Variants in CAST observed in about 807,000 individuals in gnomAD.
CAST encodes the protein calpastatin.
A neutral mutation model predicts 119.6 loss-of-function variants in CAST; 76 were observed. The ratio of observed to expected loss-of-function variants is 0.64; its 90% CI spans 0.53 to 0.77. The LOEUF (loss-of-function observed/expected upper bound fraction) is 0.77. Among genes scored for constraint, CAST ranks in the 30% least tolerant of loss-of-function variants. CAST has a pLI of 0.00. For synonymous variants in CAST, 319 were observed against 331.6 expected (o/e 0.96, Z 0.41); for missense variants, 953 against 946.5 (o/e 1.01, Z -0.09).
the CAST span, among the ~76,000 whole-genome samples, chr5:96,218,859 C>T: frequency 4.6e-5 from 7 of 152,184 alleles, no homozygotes; most frequent in African/African-American, 1.7e-4. Flanking sequence ...AGTGGGTCAA[C>T]ATCAGGGGAA....
At chr5:96,037,340 T>G in the CAST span, among the ~76,000 whole-genome samples, 1 of 152,278 alleles carries the variant, frequency 6.6e-6, no homozygotes, top group Middle Eastern at 3.4e-3. Context: ...AAAGTCTACT[T>G]TGCTATGACT....
the CAST span, among the ~76,000 whole-genome samples, chr5:96,112,489 C>T: frequency 6.6e-6 from 1 of 152,150 alleles, no homozygotes; most frequent in Non-Finnish European, 1.5e-5. Flanking sequence ...CTGTATTTGA[C>T]TTATTTAAAG....
the CAST span, among the ~76,000 whole-genome samples, chr5:96,108,924 T>C: frequency 6.6e-6 from 1 of 152,270 alleles, no homozygotes; most frequent in African/African-American, 2.4e-5. Context: ...TATAATCTCC[T>C]GGTGCACCGT....
At chr5:96,030,186 CTT>C in the CAST span, among the ~76,000 whole-genome samples, 2 of 152,142 alleles carry the variant, frequency 1.3e-5, no homozygotes, top group Admixed American at 1.3e-4. Context: ...ATTCAGTACT[CTT>C]TGTTACTTTA....
chr5:96,354,244 C>T, the CAST span, among the ~76,000 whole-genome samples: 1 of 152,088 alleles, frequency 6.6e-6, no homozygotes, highest in East Asian at 1.9e-4. Context: ...CACAAAACAG[C>T]CAACAGGATT....
At chr5:96,662,356 C>T (rs1416742590), upstream of CAST, 16 of 1,124,896 alleles carry the variant, frequency 1.4e-5, no homozygotes, top group African/African-American at 2.5e-4. Context: ...TGGCAGGACT[C>T]CCCGCCAGGC....
At chr5:96,373,605 G>T in the CAST span, among the ~76,000 whole-genome samples, 7 of 152,324 alleles carry the variant, frequency 4.6e-5, no homozygotes, top group African/African-American at 1.7e-4. Flanking sequence ...AATAAAAGCA[G>T]CTATCCCTTC....
At chr5:96,535,278 G>A (rs1745789421) in intron 1 of CAST, among the ~76,000 whole-genome samples, 1 of 152,172 alleles carries the variant, frequency 6.6e-6, no homozygotes, top group South Asian at 2.1e-4. Flanking sequence ...ATATTGTAAG[G>A]AAACAATAAT....
Position 96,623,014 on chromosome 5 carries a change from C to A in CAST, c.61-52525C>A, listed in dbSNP as rs1747650326. Reference sequence around the variant, plus strand: ...GAGTAGCTGGGACTACAGGTGCGCACCACCACACCTGGCTAATTTTTGTAT... The same window carrying A: ...GAGTAGCTGGGACTACAGGTGCGCAACACCACACCTGGCTAATTTTTGTAT... On this transcript the variant is annotated intron_variant, in intron 1 of 11. Coordinates refer to the CAST transcript ENST00000505143. 2.0e-5 allele frequency among the ~76,000 whole-genome samples: 3 copies of A among 151,722 alleles called. No individual in the cohort carries two copies. In the South Asian group the frequency reaches 6.3e-4, roughly 32 times the overall value.
chr5:96,157,921 T>C, the CAST span, among the ~76,000 whole-genome samples: 2 of 152,202 alleles, frequency 1.3e-5, no homozygotes, highest in Non-Finnish European at 1.5e-5. Flanking sequence ...GTCTGAAGAA[T>C]AGATTTTGAT....
chr5:96,425,788 C>T, the CAST span: 2 of 1,203,390 alleles, frequency 1.7e-6, no homozygotes, highest in East Asian at 2.3e-5. Flanking sequence ...GGTCCCAGGT[C>T]CCACCCACAT....
chr5:96,702,529 C>T (rs1256042103), intron 3 of CAST, among the ~76,000 whole-genome samples: 2 of 152,226 alleles, frequency 1.3e-5, no homozygotes, highest in Non-Finnish European at 2.9e-5. Context: ...TTGCGAAGTG[C>T]ACCCACCGTC....
the CAST span, among the ~76,000 whole-genome samples, chr5:96,156,853 AGGGTGCCTTT>A: frequency 6.6e-6 from 1 of 152,196 alleles, no homozygotes; most frequent in Non-Finnish European, 1.5e-5. Flanking sequence ...CCCAGTTTTT[AGGGTGCCTTT>A]GAACTGCCTA....
chr5:96,699,978 A>T (rs1177903251), intron 3 of CAST, among the ~76,000 whole-genome samples: 1 of 152,236 alleles, frequency 6.6e-6, no homozygotes, highest in Non-Finnish European at 1.5e-5. Flanking sequence ...ATAAGCACCT[A>T]TCAGAGAAAT....
the CAST span, among the ~76,000 whole-genome samples, chr5:96,436,500 T>C: frequency 6.6e-6 from 1 of 152,224 alleles, no homozygotes; most frequent in Non-Finnish European, 1.5e-5. Context: ...ATATCATTTC[T>C]AATTAAAACA....
the CAST span, among the ~76,000 whole-genome samples, chr5:96,093,971 G>A: frequency 6.6e-6 from 1 of 151,634 alleles, no homozygotes; most frequent in Non-Finnish European, 1.5e-5. Context: ...TTCCTGGTTG[G>A]CAATCTTCCT....
intron 1 of CAST, among the ~76,000 whole-genome samples, chr5:96,656,487 A>G (rs1463682775): frequency 6.6e-6 from 1 of 152,184 alleles, no homozygotes; most frequent in African/African-American, 2.4e-5. Context: ...CTTCCCTGGC[A>G]GGCCTGTTCT....
chr5:96,319,996 G>A, the CAST span, among the ~76,000 whole-genome samples: 1 of 148,830 alleles, frequency 6.7e-6, no homozygotes, highest in Non-Finnish European at 1.5e-5. Flanking sequence ...AAGTAGTGAG[G>A]AAAGGTGTTG....
At position 96,736,255 on chromosome 5, in the gene CAST, G is replaced by A; in HGVS notation, c.699+15G>A. ...CATCGGGAAAGGTATGAAGACAACAGTGTCCTTCTACATGAGACAGTTACT... is the reference window on the plus strand; with the variant it reads ...CATCGGGAAAGGTATGAAGACAACAATGTCCTTCTACATGAGACAGTTACT... On this transcript the variant is annotated intron_variant, in intron 10 of 31. Transcript: ENST00000675179. 1 of 1,555,512 alleles carries A rather than the reference G, an allele frequency of 6.4e-7. No homozygotes were observed. The highest frequency in any genetic ancestry group is 8.9e-7 in the Non-Finnish European group (1 of 1,128,602).
Sources: allele counts gnomAD v4.1 joint callset (sites outside exome capture counted in the v4.1 genomes callset), GRCh38; gene constraint gnomAD v4.1.1; transcripts MANE v1.5; gene names NCBI Gene and HGNC (gene_info 2026-07-23, HGNC 2026-07-21).